Variants in UNC13C observed in about 807,000 individuals in gnomAD.
UNC13C encodes protein unc-13 homolog C.
Under a neutral mutation model 245.4 loss-of-function variants are expected in UNC13C, and 174 were observed. The observed-to-expected ratio is 0.71, with a 90% CI of 0.63 to 0.80. The LOEUF (loss-of-function observed/expected upper bound fraction) is 0.80. Among genes scored for constraint, UNC13C ranks in the 30% least tolerant of loss-of-function variants. UNC13C has a pLI of 0.00. For missense variants in UNC13C, 2,829 were observed against 2,602.9 expected (o/e 1.09, Z -1.89); for synonymous variants, 992 against 895.1 (o/e 1.11, Z -1.93).
At chr15:54,310,712 C>G (rs1448248468) in intron 13 of UNC13C, among the ~76,000 whole-genome samples, 1 of 151,292 alleles carries the variant, frequency 6.6e-6, no homozygotes, top group Non-Finnish European at 1.5e-5. Flanking sequence ...AATTGGCCAC[C>G]CAGATTCCTT....
intron 2 of UNC13C, among the ~76,000 whole-genome samples, chr15:54,097,127 T>C (rs1286942574): frequency 6.6e-6 from 1 of 152,190 alleles, no homozygotes. Context: ...GTTCTCATAG[T>C]AGTGTGGTTA....
intron 1 of UNC13C, among the ~76,000 whole-genome samples, chr15:54,004,392 TA>T (rs777229519): frequency 6.6e-6 from 1 of 152,208 alleles, no homozygotes; most frequent in Non-Finnish European, 1.5e-5. Context: ...GTACCACATT[TA>T]TTTATCCATT....
At chr15:53,885,251 T>C in the UNC13C span, among the ~76,000 whole-genome samples, 3 of 152,180 alleles carry the variant, frequency 2.0e-5, no homozygotes, top group African/African-American at 7.2e-5. Flanking sequence ...CCAATTTTAT[T>C]ACCCAGTGAG....
At chr15:54,510,695 A>C (rs1894699028) in intron 23 of UNC13C, among the ~76,000 whole-genome samples, 1 of 152,170 alleles carries the variant, frequency 6.6e-6, no homozygotes, top group African/African-American at 2.4e-5. Flanking sequence ...TCCACTGATA[A>C]GAGCTAACAC....
intron 4 of UNC13C, among the ~76,000 whole-genome samples, chr15:54,234,369 C>T (rs1313157999): frequency 6.6e-6 from 1 of 151,922 alleles, no homozygotes; most frequent in Non-Finnish European, 1.5e-5. Context: ...TTTAATTATT[C>T]TTCCCATTGA....
chr15:54,174,116 G>C (rs2033521866), intron 4 of UNC13C, among the ~76,000 whole-genome samples: 1 of 151,962 alleles, frequency 6.6e-6, no homozygotes, highest in Non-Finnish European at 1.5e-5. Flanking sequence ...TTCTGTGAAG[G>C]ATATTTTTGT....
intron 1 of UNC13C, among the ~76,000 whole-genome samples, chr15:54,011,415 T>A (rs1895375742): frequency 1.3e-5 from 2 of 152,314 alleles, no homozygotes; most frequent in Non-Finnish European, 1.5e-5. Context: ...TTTCTAAGTT[T>A]GGAAGACCAA....
intron 8 of UNC13C, 97 bp downstream of exon 8, chr15:54,250,541 A>C (rs184313581): frequency 8.8e-7 from 1 of 1,141,544 alleles, no homozygotes; most frequent in African/African-American, 1.6e-5. Context: ...GTTGTCAAGA[A>C]ATCCTACCCG....
rs1222755849 is a variant in UNC13C at position 54,265,510 on chromosome 15, G to A, written c.3818+14G>A. 1.3e-6 allele frequency: 2 copies of A among 1,485,736 alleles called. No homozygotes were observed. The highest frequency in any genetic ancestry group is 1.3e-5 in the South Asian group (1 of 74,324). The allele number at this position is 1,485,736 out of a possible 1,614,324, so 92.0% of individuals were successfully genotyped here. ...GAAGTTTTATTTGTGAGTATATAAT[G>A]TGAAACCTTTACAAATATTAAATTA... On this transcript the variant is annotated intron_variant, in intron 10 of 32. Coordinates refer to ENST00000260323, the MANE Select transcript of UNC13C (RefSeq NM_001080534.3).
At chr15:54,074,858 A>G (rs1240566902) in intron 2 of UNC13C, among the ~76,000 whole-genome samples, 1 of 144,360 alleles carries the variant, frequency 6.9e-6, no homozygotes, top group Non-Finnish European at 1.5e-5. Context: ...CTATTTGAAT[A>G]CCCTTTATTT....
chr15:54,590,103 A>G (rs535175489), intron 30 of UNC13C, among the ~76,000 whole-genome samples: 1 of 152,158 alleles, frequency 6.6e-6, no homozygotes, highest in East Asian at 1.9e-4. Flanking sequence ...GGCTGTAAGT[A>G]TTTGGGTTTA....
At chr15:54,616,478 G>T (rs539917780) in intron 30 of UNC13C, among the ~76,000 whole-genome samples, 1 of 152,064 alleles carries the variant, frequency 6.6e-6, no homozygotes, top group African/African-American at 2.4e-5. Context: ...AGTTAGAAAA[G>T]ACTCAAGTTA....
At chr15:54,549,514 C>T (rs1453578037) in intron 27 of UNC13C, 121 bp from the exon 28 acceptor site, 1 of 728,274 alleles carries the variant, frequency 1.4e-6, no homozygotes, top group African/African-American at 1.8e-5. Context: ...TTAAGGGCAT[C>T]TGGCATAAGC....
intron 20 of UNC13C, among the ~76,000 whole-genome samples, chr15:54,497,416 G>A (rs539857541): frequency 2.0e-5 from 3 of 152,212 alleles, no homozygotes; most frequent in Non-Finnish European, 4.4e-5. Flanking sequence ...AACAATATGG[G>A]TTATGGGGCT....
At chr15:54,231,380 A>G (rs1181732756) in intron 4 of UNC13C, among the ~76,000 whole-genome samples, 1 of 152,044 alleles carries the variant, frequency 6.6e-6, no homozygotes, top group Non-Finnish European at 1.5e-5. Flanking sequence ...TTTTAGAGAT[A>G]TAGGATATCC....
At chr15:54,267,916 C>T (rs961454622) in intron 10 of UNC13C, among the ~76,000 whole-genome samples, 7 of 151,906 alleles carry the variant, frequency 4.6e-5, no homozygotes, top group Admixed American at 1.3e-4. Flanking sequence ...TGCCTCATAG[C>T]TCCTTGACAC....
rs1388982772 is a variant in UNC13C, at chr15:54,297,854, G to A, written c.4032G>A (p.Leu1344=). The A allele has an allele frequency of 1.2e-6, 2 of 1,611,060 alleles. No individual in the cohort carries two copies. Among genetic ancestry groups the A allele is most frequent in the Non-Finnish European group, 1.7e-6 (2 of 1,178,620 alleles). Residue 1344 remains leucine (L), a synonymous_variant, in exon 12 of 33, where the codon TTG becomes TTA. Transcript: ENST00000260323. The part of the protein sequence containing the change: ...DKSAVSGAIR[L]KINVEIKGEE... ...CAGCTGTATCTGGGGCCATACGATT[G>A]AAAATCAATGTGGAGATAAAAGGAG... is the stretch of plus-strand genomic sequence containing the variant.
chr15:54,450,706 C>A (rs1013881251), intron 19 of UNC13C, among the ~76,000 whole-genome samples: 1 of 152,166 alleles, frequency 6.6e-6, no homozygotes, highest in African/African-American at 2.4e-5. Flanking sequence ...ATTCCCTGAC[C>A]CCTTGCGCTT....
intron 18 of UNC13C, among the ~76,000 whole-genome samples, chr15:54,413,294 A>G (rs1207530706): frequency 6.6e-6 from 1 of 151,962 alleles, no homozygotes; most frequent in African/African-American, 2.4e-5. Flanking sequence ...CTATAAAGTT[A>G]ACATAATCTT....
Sources: gnomAD v4.1 joint callset for allele counts (sites outside exome capture counted in the v4.1 genomes callset) on GRCh38, gnomAD v4.1.1 for gene constraint, MANE v1.5 for transcripts, NCBI Gene and HGNC (gene_info 2026-07-23, HGNC 2026-07-21) for gene names.